The following EML6 variants were observed in gnomAD, a reference collection of about 807,000 sequenced individuals.
The protein encoded by EML6 is EMAP like 6.
A neutral mutation model predicts 240.1 loss-of-function variants in EML6; 154 were observed. The observed-to-expected ratio is 0.64, with a 90% CI of 0.56 to 0.73. The LOEUF (loss-of-function observed/expected upper bound fraction) is 0.73, where lower values mean the gene tolerates loss of function less well. EML6 is among the 30% of genes least tolerant of loss of function. The pLI is 0.00. For synonymous variants in EML6, 1,148 were observed against 899.0 expected, an observed-to-expected ratio of 1.28 and a Z score of -4.95; for missense variants, 2,964 against 2,474.6, an observed-to-expected ratio of 1.20 and a Z score of -4.20.
intron 2 of EML6, among the ~76,000 whole-genome samples, chr2:54,794,655 T>G (rs1669655992): frequency 6.6e-6 from 1 of 152,284 alleles, no homozygotes; most frequent in African/African-American, 2.4e-5. Flanking sequence ...CCTTTTTCCT[T>G]TCAGTGGAGT....
At chr2:54,876,043 T>C (rs1361875299) in intron 16 of EML6, among the ~76,000 whole-genome samples, 1 of 152,204 alleles carries the variant, frequency 6.6e-6, no homozygotes, top group Non-Finnish European at 1.5e-5. Context: ...ATTCACCCTT[T>C]ACTACTGACA....
intron 28 of EML6, among the ~76,000 whole-genome samples, chr2:54,945,721 T>C (rs1675663956): frequency 6.6e-6 from 1 of 152,218 alleles, no homozygotes; most frequent in African/African-American, 2.4e-5. Context: ...GCCCAGTGCC[T>C]TGGGGAGGGG....
rs1676373343 is a variant in EML6 at position 54,959,102 on chromosome 2, A to G, written c.4696-2A>G. The G allele has an allele frequency of 3.9e-6, 6 of 1,548,940 alleles. No individual in the cohort carries two copies. The highest frequency in any genetic ancestry group is 5.2e-6 in the Non-Finnish European group (6 of 1,145,948). On this transcript the variant is annotated splice_acceptor_variant, in intron 33 of 41. Coordinates refer to ENST00000356458, the MANE Select transcript of EML6 (RefSeq NM_001039753.4). LOFTEE classifies it high-confidence loss of function. ...GTGTAGAAGATGTTGTTTTGTTTACAGAACAATCTCACTTTCACGGGTGCC... is the reference window on the plus strand; with the variant it reads ...GTGTAGAAGATGTTGTTTTGTTTACGGAACAATCTCACTTTCACGGGTGCC...
At chr2:54,777,292 G>C (rs1483150221) in intron 2 of EML6, among the ~76,000 whole-genome samples, 1 of 152,224 alleles carries the variant, frequency 6.6e-6, no homozygotes, top group Admixed American at 6.5e-5. Flanking sequence ...TGATGGTGGA[G>C]TGATGGAGAG....
chr2:54,895,512 C>T, intron 21 of EML6, 112 bp downstream of exon 21: 1 of 1,067,396 alleles, frequency 9.4e-7, no homozygotes, highest in Non-Finnish European at 1.4e-6. Flanking sequence ...CTCAGGGTTG[C>T]ACAAGAGTTG....
In EML6 at chr2:54,968,678, A is replaced by T. The variant is rs1294247118; in HGVS notation, c.5762A>T (p.Lys1921Met). 2 of 1,550,098 alleles carry T rather than the reference A, an allele frequency of 1.3e-6. No homozygotes were observed. Among genetic ancestry groups the T allele is most frequent in the East Asian group, 4.9e-5 (2 of 40,918 alleles). ...FPCTEKFAKH[K>M]RYFGHSAHVT... Reference sequence around the variant, plus strand: ...CACTTTTGCTCACAGGCCAAACATAAGCGATACTTCGGTCACTCGGCTCAC... The same window carrying T: ...CACTTTTGCTCACAGGCCAAACATATGCGATACTTCGGTCACTCGGCTCAC... The change falls in exon 41 of 42, where the codon AAG (lysine) becomes ATG (methionine). Residue 1921 changes from lysine to methionine, a missense_variant. Lys to Met is a moderately conservative substitution (Grantham distance 95, BLOSUM62 -1). Coordinates refer to ENST00000356458, the MANE Select transcript of EML6 (RefSeq NM_001039753.4).
intron 10 of EML6, among the ~76,000 whole-genome samples, chr2:54,853,335 G>T (rs937639125): frequency 6.6e-6 from 1 of 152,004 alleles, no homozygotes; most frequent in Admixed American, 6.5e-5. Context: ...TAAGTTTTTT[G>T]ATACATTCAT....
intron 2 of EML6, among the ~76,000 whole-genome samples, chr2:54,780,216 TATA>T (rs756942937): frequency 2.7e-4 from 41 of 152,244 alleles, no homozygotes; most frequent in Non-Finnish European, 5.3e-4. Flanking sequence ...TACCCATTAG[TATA>T]ATATCTATTG....
At chr2:54,742,184 T>C (rs1683673518) in intron 2 of EML6, among the ~76,000 whole-genome samples, 1 of 152,194 alleles carries the variant, frequency 6.6e-6, no homozygotes, top group African/African-American at 2.4e-5. Context: ...CTGCCTTGCT[T>C]AAAAACTCCG....
At chr2:54,930,311 TA>T (rs1194642069) in intron 28 of EML6, among the ~76,000 whole-genome samples, 1 of 152,216 alleles carries the variant, frequency 6.6e-6, no homozygotes, top group Non-Finnish European at 1.5e-5. Flanking sequence ...AAGGCTCACC[TA>T]ATCCTCTTCT....
At chr2:54,856,023 A>T (rs1369498974) in intron 11 of EML6, among the ~76,000 whole-genome samples, 1 of 152,082 alleles carries the variant, frequency 6.6e-6, no homozygotes, top group South Asian at 2.1e-4. Context: ...ATTTTTAAAA[A>T]CTCACAACCA....
Position 54,847,504 on chromosome 2 carries a change from T to G in EML6, c.1068T>G (p.Asp356Glu), listed in dbSNP as rs1297670159. Residue 356 changes from aspartate (D) to glutamate (E), a missense_variant, in exon 9 of 42, where the codon GAT (aspartate) becomes GAG (glutamate). Asp to Glu is a conservative substitution (Grantham distance 45, BLOSUM62 2). Coordinates refer to ENST00000356458, the MANE Select transcript of EML6 (RefSeq NM_001039753.4). The part of the protein sequence containing the change: ...DRSVRLWSLA[D>E]HALIARCNME... ...TGCCTAGGCTGTGGAGCCTGGCTGATCATGCCTTGATCGCCCGCTGTAACA... is the reference window on the plus strand; with the variant it reads ...TGCCTAGGCTGTGGAGCCTGGCTGAGCATGCCTTGATCGCCCGCTGTAACA... 1.9e-6 allele frequency: 3 copies of G among 1,551,614 alleles called. No homozygotes were observed. Among genetic ancestry groups the G allele is most frequent in the East Asian group, 4.9e-5 (2 of 40,922 alleles).
chr2:54,792,169 A>G (rs993502135), intron 2 of EML6, among the ~76,000 whole-genome samples: 3 of 152,194 alleles, frequency 2.0e-5, no homozygotes, highest in Non-Finnish European at 4.4e-5. Context: ...TTAAAGCCAT[A>G]TATTTCTCTG....
At chr2:54,843,092 C>G (rs1239715661) in intron 7 of EML6, among the ~76,000 whole-genome samples, 6 of 152,106 alleles carry the variant, frequency 3.9e-5, no homozygotes, top group Non-Finnish European at 7.4e-5. Context: ...AATGTTATTC[C>G]TAAAGGTTGA....
intron 2 of EML6, among the ~76,000 whole-genome samples, chr2:54,798,606 A>C (rs781288787): frequency 1.5e-4 from 23 of 152,152 alleles, no homozygotes; most frequent in Non-Finnish European, 3.1e-4. Context: ...GGTACCTACA[A>C]ATTGATTTTC....
At chr2:54,936,346 G>A (rs909094041) in intron 28 of EML6, among the ~76,000 whole-genome samples, 1 of 152,178 alleles carries the variant, frequency 6.6e-6, no homozygotes, top group Non-Finnish European at 1.5e-5. Context: ...ACATCTGGTG[G>A]AGCCATGGTT....
chr2:54,820,945 C>G (rs536324586), intron 5 of EML6, among the ~76,000 whole-genome samples: 1 of 152,126 alleles, frequency 6.6e-6, no homozygotes, highest in Non-Finnish European at 1.5e-5. Flanking sequence ...ACGCCCCAAT[C>G]TTCCTCTAGA....
intron 14 of EML6, 173 bp from the exon 15 acceptor site, chr2:54,869,008 C>T: frequency 1.9e-6 from 1 of 516,656 alleles, no homozygotes; most frequent in Non-Finnish European, 3.4e-6. Context: ...TGAGAGTCAT[C>T]TCATGCCCTC....
intron 2 of EML6, among the ~76,000 whole-genome samples, chr2:54,790,362 G>C (rs997868849): frequency 2.0e-5 from 3 of 152,256 alleles, no homozygotes; most frequent in African/African-American, 4.8e-5. Context: ...AAAATACTTA[G>C]GTAATTTCAG....
Sources: allele counts gnomAD v4.1 joint callset (sites outside exome capture counted in the v4.1 genomes callset), GRCh38; gene constraint gnomAD v4.1.1; transcripts MANE v1.5; gene names NCBI Gene and HGNC (gene_info 2026-07-23, HGNC 2026-07-21).